FBXL6: variants seen among roughly 807,000 people sequenced by gnomAD.
FBXL6 encodes F-box/LRR-repeat protein 6.
Under a neutral mutation model 53.3 loss-of-function variants are expected in FBXL6, and 50 were observed. The observed-to-expected ratio is 0.94, with a 90% CI of 0.75 to 1.19. The LOEUF (loss-of-function observed/expected upper bound fraction) is 1.19, where lower values mean the gene tolerates loss of function less well. FBXL6 is among the 50% of genes most tolerant of loss of function. FBXL6 has a pLI of 0.00. For missense variants in FBXL6, 815 were observed against 719.0 expected (o/e 1.13, Z -1.53); for synonymous variants, 405 against 322.9 (o/e 1.25, Z -2.73).
rs1440562613 is a variant in FBXL6, at chr8:144,355,444, T to C, written c.*87A>G. On this transcript the variant is annotated 3_prime_UTR_variant, in exon 9 of 9. Transcript: ENST00000331890. ...CACACACAGAACTCCTAAAAATGTTTTATTTTAACAAAATGCTCAAATATC... is the reference window on the plus strand; with the variant it reads ...CACACACAGAACTCCTAAAAATGTTCTATTTTAACAAAATGCTCAAATATC... 2.6e-6 allele frequency: 4 copies of C among 1,558,144 alleles called. No homozygotes were observed. In the African/African-American group the frequency reaches 4.1e-5, roughly 16 times the overall value.
chr8:144,357,879 C>G, intron 1 of FBXL6, 93 bp from the exon 2 acceptor site: 2 of 1,438,566 alleles, frequency 1.4e-6, no homozygotes, highest in South Asian at 2.9e-5. Context: ...AGCCGGGCTC[C>G]TGGGACTCCA....
rs1554852863 is a variant in FBXL6 at position 144,356,612 on chromosome 8, G to A, written c.981C>T (p.Cys327=). 7 of 1,612,938 alleles carry A rather than the reference G, an allele frequency of 4.3e-6. No homozygotes were observed. Among genetic ancestry groups the A allele is most frequent in the Non-Finnish European group, 5.9e-6 (7 of 1,179,980 alleles). ...GGGCGCCAGGTACCTGGAGCTGAGG[G>A]CAGCCTTTCTGCAGAGCCTCGACAG... ...QLPVEALQKG[C]PQLQVLRLLN... Residue 327 remains cysteine, a synonymous_variant, in exon 6 of 9, where the codon TGC becomes TGT. Coordinates refer to ENST00000331890, the MANE Select transcript of FBXL6 (RefSeq NM_012162.4).
At position 144,356,061 on chromosome 8, in the gene FBXL6, G is replaced by T; in HGVS notation, c.1379C>A (p.Ala460Asp). 1 of 1,612,966 alleles carries T rather than the reference G, an allele frequency of 6.2e-7. No individual in the cohort carries two copies. Among genetic ancestry groups the T allele is most frequent in the Non-Finnish European group, 8.5e-7 (1 of 1,180,004 alleles). ...QGFSEKDLEQ[A>D]LAAFLSTPGG... ...AGGGGTGCTTAAGAAGGCAGCCAGGGCCTGCTCCAGGTCCTTCTCACTGAA... is the reference window on the plus strand; with the variant it reads ...AGGGGTGCTTAAGAAGGCAGCCAGGTCCTGCTCCAGGTCCTTCTCACTGAA... The change falls in exon 8 of 9, where the codon GCC becomes GAC. Residue 460 changes from alanine (A) to aspartate (D), a missense_variant. Coordinates refer to ENST00000331890, the MANE Select transcript of FBXL6 (RefSeq NM_012162.4).
Position 144,356,914 on chromosome 8 carries a change from A to C in FBXL6, c.773T>G (p.Val258Gly), listed in dbSNP as rs781811695. 3 of 1,613,116 alleles carry C rather than the reference A, an allele frequency of 1.9e-6. No homozygotes were observed. The South Asian group carries it at 3.3e-5, about 18-fold the overall frequency. ...GAAGCTCACCACAGCTGTGGACTCC[A>C]CCTGGGGCCCCAATACAAGAGCACC... ...LHSLDLQHSM[V>G]ESTAVVSFLE... The change falls in exon 5 of 9, where the codon GTG becomes GGG. Residue 258 changes from valine (V) to glycine (G), a missense_variant and splice_region_variant. Coordinates refer to ENST00000331890, the MANE Select transcript of FBXL6 (RefSeq NM_012162.4).
At chr8:144,355,925 G>T (rs782628160) in intron 8 of FBXL6, 43 bp downstream of exon 8, 5 of 1,605,336 alleles carry the variant, frequency 3.1e-6, no homozygotes, top group Non-Finnish European at 4.3e-6. Flanking sequence ...CAGACACAGT[G>T]ACAGCCACAC....
Position 144,358,075 on chromosome 8 carries a change from C to G in FBXL6, c.373G>C (p.Gly125Arg), listed in dbSNP as rs1282855152. The G allele has an allele frequency of 1.3e-6, 2 of 1,599,076 alleles. No individual in the cohort carries two copies. Among genetic ancestry groups the G allele is most frequent in the African/African-American group, 2.8e-5 (2 of 72,672 alleles). Residue 125 changes from glycine (G) to arginine (R), a missense_variant, in exon 1 of 9, where the codon GGG (glycine) becomes CGG (arginine). Coordinates refer to ENST00000331890, the MANE Select transcript of FBXL6 (RefSeq NM_012162.4). ...IPLEILVQIF[G>R]LLVAADGPMP... is the part of the protein sequence containing the mutation. ...GGGCCGTCCGCCGCCACCAACAACCCGAAAATCTGCACCAGGATTTCCAAG... is the reference window on the plus strand; with the variant it reads ...GGGCCGTCCGCCGCCACCAACAACCGGAAAATCTGCACCAGGATTTCCAAG...
Position 144,358,465 on chromosome 8 carries a change from G to C in FBXL6, c.-18C>G, listed in dbSNP as rs1019069468. ...GCAGCCATGACCACCGACGGCGCTC[G>C]GGGAAGCCCCAGGGAGCGGAACGGG... On this transcript the variant is annotated 5_prime_UTR_variant, in exon 1 of 9. Coordinates refer to ENST00000331890, the MANE Select transcript of FBXL6 (RefSeq NM_012162.4). The C allele has an allele frequency of 8.1e-7, 1 of 1,236,140 alleles. No homozygotes were observed. The highest frequency in any genetic ancestry group is 4.1e-5 in the Admixed American group (1 of 24,334). 76.6% of individuals were successfully genotyped at this position (1,236,140 alleles called of 1,614,324 possible).
At position 144,356,145 on chromosome 8, in the gene FBXL6, G is replaced by T. The variant is rs1285054972; in HGVS notation, c.1295C>A (p.Pro432His). Reference protein sequence around the residue: ...DRLTLAKEGSPFLTQKWCHTL... With the variant: ...DRLTLAKEGSHFLTQKWCHTL... The stretch of plus-strand genomic sequence containing the variant: ...ATGGCACCACTTCTGGGTCAAAAAG[G>T]GGCTGCCCTCCTTGGCTAGAGTCAG... Residue 432 changes from proline to histidine, a missense_variant, in exon 8 of 9, where the codon CCC (proline) becomes CAC (histidine). Pro to His is a moderately conservative substitution (Grantham distance 77, BLOSUM62 -2). Coordinates refer to ENST00000331890, the MANE Select transcript of FBXL6 (RefSeq NM_012162.4). 4.3e-6 allele frequency: 7 copies of T among 1,612,836 alleles called. No homozygotes were observed. Among genetic ancestry groups the T allele is most frequent in the Non-Finnish European group, 5.9e-6 (7 of 1,180,030 alleles).
rs782380191 is a variant in FBXL6 at position 144,355,658 on chromosome 8, G to C, written c.1493C>G (p.Pro498Arg). The C allele has an allele frequency of 8.7e-6, 14 of 1,610,724 alleles. No homozygotes were observed. The highest frequency in any genetic ancestry group is 1.7e-5 in the Admixed American group (1 of 59,956). Residue 498 changes from proline (P) to arginine (R), a missense_variant, in exon 9 of 9, where the codon CCG (proline) becomes CGG (arginine). Physicochemically the swap from Pro to Arg is moderately radical, Grantham distance 103. Transcript: ENST00000331890. ...STVSSVISGC[P>R]GLLYLNLESC... The stretch of plus-strand genomic sequence containing the variant: ...CTCCAGGTTGAGGTAGAGCAGGCCC[G>C]GGCAGCCGCTGATCACAGAGCTGTG...
In FBXL6 at chr8:144,356,099, C is replaced by G. The variant is rs781934368; in HGVS notation, c.1341G>C (p.Leu447Phe). Residue 447 changes from leucine to phenylalanine, a missense_variant, in exon 8 of 9, where the codon TTG (leucine) becomes TTC (phenylalanine). Leu to Phe is a conservative substitution (Grantham distance 22, BLOSUM62 0). Coordinates refer to ENST00000331890, the MANE Select transcript of FBXL6 (RefSeq NM_012162.4). The part of the protein sequence containing the change: ...KWCHTLRELD[L>F]SGQGFSEKDL... ...CCTTCTCACTGAACCCCTGGCCACT[C>G]AAGTCCAGTTCTCGCAGTGTATGGC... is the stretch of plus-strand genomic sequence containing the variant. The G allele has an allele frequency of 4.3e-6, 7 of 1,613,010 alleles. No homozygotes were observed. The South Asian group carries it at 7.7e-5, about 18-fold the overall frequency.
At chr8:144,357,363 G>T in intron 3 of FBXL6, 76 bp downstream of exon 3, 3 of 1,470,908 alleles carry the variant, frequency 2.0e-6, no homozygotes, top group East Asian at 4.9e-5. Flanking sequence ...CCCCCAAGGT[G>T]CCTGACCCAC....
In FBXL6 at chr8:144,355,975, T is replaced by C. The variant is rs1818385529; in HGVS notation, c.1465A>G (p.Thr489Ala). 1 of 1,612,540 alleles carries C rather than the reference T, an allele frequency of 6.2e-7. No homozygotes were observed. Among genetic ancestry groups the C allele is most frequent in the African/African-American group, 1.3e-5 (1 of 74,996 alleles). The change falls in exon 8 of 9, where the codon ACT (threonine) becomes GCT (alanine). Residue 489 changes from threonine (T) to alanine (A), a missense_variant. Coordinates refer to ENST00000331890, the MANE Select transcript of FBXL6 (RefSeq NM_012162.4). ...GGGGTAGGGGATGCTGACCTGACAGTGCTTGGTGTGACCCGGGTGCCCCTG... is the reference window on the plus strand; with the variant it reads ...GGGGTAGGGGATGCTGACCTGACAGCGCTTGGTGTGACCCGGGTGCCCCTG... ...NLRGTRVTPS[T>A]VSSVISGCPG...
rs201941787 is a variant in FBXL6 at position 144,355,989 on chromosome 8, C to G, written c.1451G>C (p.Arg484Pro). Residue 484 changes from arginine to proline, a missense_variant, in exon 8 of 9, where the codon CGG (arginine) becomes CCG (proline). Physicochemically the swap from Arg to Pro is moderately radical, Grantham distance 103. Transcript: ENST00000331890. Reference protein sequence around the residue: ...ALCSLNLRGTRVTPSTVSSVI... With the variant: ...ALCSLNLRGTPVTPSTVSSVI... The stretch of plus-strand genomic sequence containing the variant: ...TGACCTGACAGTGCTTGGTGTGACC[C>G]GGGTGCCCCTGAGGTTAAGAGAGCA... 3.7e-6 allele frequency: 6 copies of G among 1,612,780 alleles called. No homozygotes were observed. In the Admixed American group the frequency reaches 8.3e-5, roughly 22 times the overall value.
Position 144,357,723 on chromosome 8 carries a change from C to T in FBXL6, c.480G>A (p.Val160=). ...GGCCGACCAGCGGGGACGACAGGGTCACGGTGTGCCAGAGCGCGGGTTGGG... is the reference window on the plus strand; with the variant it reads ...GGCCGACCAGCGGGGACGACAGGGTTACGGTGTGCCAGAGCGCGGGTTGGG... ...AASQPALWHT[V]TLSSPLVGRP... Residue 160 remains valine, a synonymous_variant, in exon 2 of 9, where the codon GTG becomes GTA. Transcript: ENST00000331890. The T allele has an allele frequency of 6.2e-7, 1 of 1,607,214 alleles. No individual in the cohort carries two copies. The highest frequency in any genetic ancestry group is 8.5e-7 in the Non-Finnish European group (1 of 1,177,702).
At position 144,356,375 on chromosome 8, in the gene FBXL6, G is replaced by C. The variant is rs1239574448; in HGVS notation, c.1150C>G (p.Pro384Ala). 1 of 1,339,086 alleles carries C rather than the reference G, an allele frequency of 7.5e-7. No individual in the cohort carries two copies. Among genetic ancestry groups the C allele is most frequent in the Non-Finnish European group, 9.6e-7 (1 of 1,039,220 alleles). 83.0% of individuals were successfully genotyped at this position (1,339,086 alleles called of 1,614,324 possible). A position where few individuals can be genotyped will look rare whatever the true frequency, so the allele number is the denominator to read the frequency against. Residue 384 changes from proline to alanine, a missense_variant, in exon 7 of 9, where the codon CCC (proline) becomes GCC (alanine). Physicochemically the swap from Pro to Ala is conservative, Grantham distance 27. Transcript: ENST00000331890. ...CGAAGATCCAGTAAGCGCAGGTTGG[G>C]AGAGCCGTGGAGTAGGCGGCCCAGG... Reference protein sequence around the residue: ...EVLGRLLHGSPNLRLLDLRGC... With the variant: ...EVLGRLLHGSANLRLLDLRGC...
Position 144,356,811 on chromosome 8 carries a change from C to A in FBXL6, c.876G>T (p.Leu292=). ...SSQTTAILGA[L]LGSCCPQLQV... Reference sequence around the variant, plus strand: ...GCTCCCACCAATGCCAACTTACCAGCAGTGCGCCCAGGATGGCTGTCGTCT... The same window carrying A: ...GCTCCCACCAATGCCAACTTACCAGAAGTGCGCCCAGGATGGCTGTCGTCT... Residue 292 remains leucine, a synonymous_variant, in exon 5 of 9, where the codon CTG becomes CTT. Coordinates refer to ENST00000331890, the MANE Select transcript of FBXL6 (RefSeq NM_012162.4). 1 of 1,613,346 alleles carries A rather than the reference C, an allele frequency of 6.2e-7. No individual in the cohort carries two copies. Among genetic ancestry groups the A allele is most frequent in the Non-Finnish European group, 8.5e-7 (1 of 1,180,016 alleles).
In FBXL6 at chr8:144,356,010, G is replaced by A. The variant is rs782249746; in HGVS notation, c.1430C>T (p.Ser477Phe). The A allele has an allele frequency of 2.3e-5, 37 of 1,613,144 alleles. No individual in the cohort carries two copies. Among genetic ancestry groups the A allele is most frequent in the Non-Finnish European group, 3.1e-5 (36 of 1,180,000 alleles). ...TPGGSHPALC[S>F]LNLRGTRVTP... ...GACCCGGGTGCCCCTGAGGTTAAGA[G>A]AGCACAGGGCTGGGTGTGAGCCCCC... Residue 477 changes from serine to phenylalanine, a missense_variant, in exon 8 of 9, where the codon TCT becomes TTT. Physicochemically the swap from Ser to Phe is radical, Grantham distance 155. Transcript: ENST00000331890.
rs568082713 is a variant in FBXL6 at position 144,357,835 on chromosome 8, C to G, written c.417-49G>C. On this transcript the variant is annotated intron_variant, in intron 1 of 8. Coordinates refer to ENST00000331890, the MANE Select transcript of FBXL6 (RefSeq NM_012162.4). The stretch of plus-strand genomic sequence containing the variant: ...TGCCGGCCCCTCCGTAGGCGATGCC[C>G]CCCTCTCGCAGCGCAGTAGACACCC... 4 of 1,458,462 alleles carry G rather than the reference C, an allele frequency of 2.7e-6. No individual in the cohort carries two copies. In the African/African-American group the frequency reaches 5.7e-5, roughly 21 times the overall value. The allele number at this position is 1,458,462 out of a possible 1,614,324, so 90.3% of individuals were successfully genotyped here. A position where few individuals can be genotyped will look rare whatever the true frequency, so the allele number is the denominator to read the frequency against.
Position 144,357,103 on chromosome 8 carries a change from G to A in FBXL6, c.658C>T (p.Pro220Ser). The change falls in exon 4 of 9, where the codon CCT becomes TCT. Residue 220 changes from proline to serine, a missense_variant. Pro to Ser is a moderately conservative substitution (Grantham distance 74, BLOSUM62 -1). Coordinates refer to ENST00000331890, the MANE Select transcript of FBXL6 (RefSeq NM_012162.4). ...GAGAGCTTGAGGAAAGTGAGCCGAG[G>A]ACAGCACTCACCTACCAGCTGCGGG... ...PVLKLVGECC[P>S]RLTFLKLSGC... 2 of 1,612,912 alleles carry A rather than the reference G, an allele frequency of 1.2e-6. No individual in the cohort carries two copies. Among genetic ancestry groups the A allele is most frequent in the Non-Finnish European group, 1.7e-6 (2 of 1,180,022 alleles).
Sources: gnomAD v4.1 joint callset for allele counts on GRCh38, gnomAD v4.1.1 for gene constraint, MANE v1.5 for transcripts, NCBI Gene and HGNC (gene_info 2026-07-23, HGNC 2026-07-21) for gene names.